The following PCDH9 variants were observed in gnomAD, a reference collection of about 807,000 sequenced individuals.
PCDH9 encodes protocadherin-9.
In PCDH9, 24 loss-of-function variants were observed where a neutral mutation model predicts 70.6. That is an observed-to-expected ratio of 0.34 (90% CI 0.25 to 0.48). The LOEUF (loss-of-function observed/expected upper bound fraction) is 0.48. PCDH9 is among the 20% of genes least tolerant of loss of function. PCDH9 has a pLI of 0.99. For synonymous variants in PCDH9, 562 were observed against 558.5 expected, an observed-to-expected ratio of 1.01 and a Z score of -0.09; for missense variants, 1,281 against 1,503.6, an observed-to-expected ratio of 0.85 and a Z score of 2.45.
At chr13:67,016,035 T>C (rs77511061) in intron 2 of PCDH9, among the ~76,000 whole-genome samples, 1 of 152,284 alleles carries the variant, frequency 6.6e-6, no homozygotes, top group Non-Finnish European at 1.5e-5. Flanking sequence ...CATTCTGATA[T>C]ATCACAAGTA....
intron 4 of PCDH9, among the ~76,000 whole-genome samples, chr13:66,581,830 T>C (rs1593722227): frequency 6.6e-6 from 1 of 152,138 alleles, no homozygotes; most frequent in Admixed American, 6.5e-5. Flanking sequence ...CTCAGAGATC[T>C]ACATAATAAT....
intron 3 of PCDH9, among the ~76,000 whole-genome samples, chr13:66,711,843 A>G (rs1311181577): frequency 6.6e-6 from 1 of 152,102 alleles, no homozygotes; most frequent in Non-Finnish European, 1.5e-5. Context: ...TTGATTTTTT[A>G]GCCCTTGTTG....
At chr13:66,947,094 C>A (rs1207117109) in intron 2 of PCDH9, among the ~76,000 whole-genome samples, 2 of 152,126 alleles carry the variant, frequency 1.3e-5, no homozygotes, top group Non-Finnish European at 2.9e-5. Flanking sequence ...GTCCTGCCAA[C>A]GAGCATCTCT....
At chr13:67,188,405 T>G (rs951563417) in intron 2 of PCDH9, among the ~76,000 whole-genome samples, 1 of 152,122 alleles carries the variant, frequency 6.6e-6, no homozygotes. Context: ...ATCTTGACAA[T>G]GCTTTTATTT....
chr13:66,752,558 A>C (rs1207654353), intron 3 of PCDH9, among the ~76,000 whole-genome samples: 1 of 152,236 alleles, frequency 6.6e-6, no homozygotes, highest in African/African-American at 2.4e-5. Context: ...TGGCCTCGCA[A>C]ATGGCTGGGA....
chr13:66,518,247 A>T (rs1291922460), intron 4 of PCDH9, among the ~76,000 whole-genome samples: 1 of 152,108 alleles, frequency 6.6e-6, no homozygotes, highest in Non-Finnish European at 1.5e-5. Flanking sequence ...GCAATAGCTT[A>T]CTTATTACCA....
intron 2 of PCDH9, among the ~76,000 whole-genome samples, chr13:67,184,392 G>A (rs969013227): frequency 3.3e-5 from 5 of 151,988 alleles, no homozygotes; most frequent in African/African-American, 1.2e-4. Context: ...TACTAGATCC[G>A]CATTCAGATC....
At chr13:66,978,811 T>C (rs897061096) in intron 2 of PCDH9, among the ~76,000 whole-genome samples, 6 of 49,460 alleles carry the variant, frequency 1.2e-4, no homozygotes, top group African/African-American at 3.5e-4. Context: ...AATGTATGTA[T>C]ATATGTGTGT....
chr13:66,405,419 A>G (rs1957263606), intron 4 of PCDH9, among the ~76,000 whole-genome samples: 1 of 152,190 alleles, frequency 6.6e-6, no homozygotes, highest in East Asian at 1.9e-4. Flanking sequence ...ACCATTTTTC[A>G]TAGCACATTT....
At chr13:66,996,751 G>T (rs988716684) in intron 2 of PCDH9, among the ~76,000 whole-genome samples, 1 of 152,210 alleles carries the variant, frequency 6.6e-6, no homozygotes, top group East Asian at 1.9e-4. Context: ...AATGTGAATA[G>T]TACTGTTTGG....
intron 3 of PCDH9, among the ~76,000 whole-genome samples, chr13:66,862,436 A>G (rs962547096): frequency 6.6e-6 from 1 of 152,130 alleles, no homozygotes; most frequent in African/African-American, 2.4e-5. Context: ...CTGAGCACCT[A>G]TTTCCCTGTT....
At chr13:66,951,603 G>A (rs555062557) in intron 2 of PCDH9, among the ~76,000 whole-genome samples, 7 of 152,258 alleles carry the variant, frequency 4.6e-5, no homozygotes, top group Non-Finnish European at 7.4e-5. Context: ...GGGAGTGTCT[G>A]AGCAAAATGT....
intron 4 of PCDH9, among the ~76,000 whole-genome samples, chr13:66,594,752 T>C (rs188556301): frequency 7.2e-5 from 11 of 151,762 alleles, no homozygotes; most frequent in Admixed American, 1.3e-4. Flanking sequence ...ACATGTAGTG[T>C]TTGGTTTTCT....
At chr13:66,718,073 G>A (rs896369523) in intron 3 of PCDH9, among the ~76,000 whole-genome samples, 4 of 152,276 alleles carry the variant, frequency 2.6e-5, no homozygotes, top group Admixed American at 2.6e-4. Context: ...GAAGCAATAG[G>A]AAGAATAGAA....
At chr13:66,851,225 A>C (rs558560512) in intron 3 of PCDH9, among the ~76,000 whole-genome samples, 34 of 152,296 alleles carry the variant, frequency 2.2e-4, no homozygotes, top group African/African-American at 8.2e-4. Flanking sequence ...AAATATTTCA[A>C]CCTATTAGAG....
chr13:66,730,876 G>GTGTTTTTTTTTTTTTTTTTTTTTTTTT lies in PCDH9; in HGVS notation c.3139-99466_3139-99465insAAAAAAAAAAAAAAAAAAAAAAAAACA, dbSNP rs1555262846. ...TGTTTTTGTTTTTTTGTGTGTGTGT[G>GTGTTTTTTTTTTTTTTTTTTTTTTTTT]TTTTTTTTTTGTTTGTTTCTTTTTT... On this transcript the variant is annotated intron_variant, in intron 3 of 4. Transcript: ENST00000377865. Among the ~76,000 whole-genome samples the GTGTTTTTTTTTTTTTTTTTTTTTTTTT allele has an allele frequency of 1.1e-4, 5 of 46,356 alleles. 1 individual carries two copies. Among genetic ancestry groups the GTGTTTTTTTTTTTTTTTTTTTTTTTTT allele is most frequent in the African/African-American group, 3.8e-4 (5 of 13,276 alleles). 30.4% of individuals were successfully genotyped at this position (46,356 alleles called of 152,430 possible). A position where few individuals can be genotyped will look rare whatever the true frequency, so the allele number is the denominator to read the frequency against.
At chr13:66,557,020 A>C (rs1369260152) in intron 4 of PCDH9, among the ~76,000 whole-genome samples, 1 of 152,206 alleles carries the variant, frequency 6.6e-6, no homozygotes, top group Non-Finnish European at 1.5e-5. Context: ...CACTGCTTTA[A>C]CAGATTACAG....
In PCDH9 at chr13:66,829,717, C is replaced by CAAAAAAAAAAAAAAAAAA. The variant is rs562176354; in HGVS notation, c.3138+73769_3138+73786dup. On this transcript the variant is annotated intron_variant, in intron 3 of 4. Transcript: ENST00000377865. ...TGGGCGACAGAGCGAGACTCCGTCT[C>CAAAAAAAAAAAAAAAAAA]AAAAAAAAAAAAAAAAAAAAAAAAA... Among the ~76,000 whole-genome samples, 28 of 53,126 alleles carry CAAAAAAAAAAAAAAAAAA rather than the reference C, an allele frequency of 5.3e-4. 3 individuals carry two copies. Among genetic ancestry groups the CAAAAAAAAAAAAAAAAAA allele is most frequent in the South Asian group, 1.2e-3 (1 of 832 alleles). 34.9% of individuals were successfully genotyped at this position (53,126 alleles called of 152,430 possible).
chr13:66,336,761 T>G (rs1025233518), intron 4 of PCDH9, among the ~76,000 whole-genome samples: 3 of 152,008 alleles, frequency 2.0e-5, no homozygotes, highest in African/African-American at 7.2e-5. Flanking sequence ...TTGTTTATCC[T>G]AATAGAGAAG....
Sources: allele counts gnomAD v4.1 joint callset (sites outside exome capture counted in the v4.1 genomes callset), GRCh38; gene constraint gnomAD v4.1.1; transcripts MANE v1.5; gene names NCBI Gene and HGNC (gene_info 2026-07-23, HGNC 2026-07-21).